Variants in ZNF2 observed in about 807,000 individuals in gnomAD.
The protein encoded by ZNF2 is zinc finger protein 2.2.
In ZNF2, 12 loss-of-function variants were observed where a neutral mutation model predicts 21.9. The ratio of observed to expected loss-of-function variants is 0.55; its 90% confidence interval spans 0.35 to 0.89. The LOEUF is 0.89. Ranked by LOEUF, ZNF2 falls within the 40% of genes least tolerant of loss-of-function variation. The pLI, the probability that ZNF2 is intolerant of heterozygous loss-of-function variation, is 0.01. For missense variants in ZNF2, 462 were observed against 544.2 expected, an observed-to-expected ratio of 0.85 and a Z score of 1.50; for synonymous variants, 186 against 196.3, an observed-to-expected ratio of 0.95 and a Z score of 0.44.
chr2:95,181,312 C>G lies in ZNF2; in HGVS notation c.484C>G (p.Leu162Val), dbSNP rs1358216043. ...RDKGLRRRSA[L>V]SREILTKERH... is the part of the protein sequence containing the mutation. ...CAAAGGCTTGCGGCGACGGTCAGCC[C>G]TGTCCAGGGAAATTCTCACTAAAGA... Residue 162 changes from leucine to valine, a missense_variant, in exon 5 of 5, where the codon CTG (leucine) becomes GTG (valine). Leu to Val is a conservative substitution (Grantham distance 32, BLOSUM62 1). Coordinates refer to ENST00000614034, the MANE Select transcript of ZNF2 (RefSeq NM_021088.4). 1.1e-5 allele frequency: 18 copies of G among 1,614,098 alleles called. No individual in the cohort carries two copies. The highest frequency in any genetic ancestry group is 1.4e-5 in the Non-Finnish European group (17 of 1,180,044).
rs1674646041 is a variant in ZNF2 at position 95,181,436 on chromosome 2, G to A, written c.608G>A (p.Cys203Tyr). The A allele has an allele frequency of 6.2e-7, 1 of 1,614,096 alleles. No homozygotes were observed. The highest frequency in any genetic ancestry group is 1.3e-5 in the African/African-American group (1 of 74,936). The part of the protein sequence containing the change: ...RTHTGEKPYD[C>Y]RECGKAFSHR... ...CACACTGGGGAGAAGCCCTACGACT[G>A]CCGCGAGTGTGGGAAAGCCTTCAGC... Residue 203 changes from cysteine to tyrosine, a missense_variant, in exon 5 of 5, where the codon TGC (cysteine) becomes TAC (tyrosine). Physicochemically the swap from Cys to Tyr is radical, Grantham distance 194 (BLOSUM62 -2). Transcript: ENST00000614034.
intron 1 of ZNF2, among the ~76,000 whole-genome samples, chr2:95,171,633 G>C (rs188676724): frequency 1.3e-5 from 2 of 152,084 alleles, no homozygotes; most frequent in Admixed American, 6.6e-5. Flanking sequence ...CACCCGCCTC[G>C]GCCTCCCAAA....
intron 1 of ZNF2, among the ~76,000 whole-genome samples, chr2:95,172,638 GT>G (rs779777588): frequency 2.5e-3 from 345 of 137,146 alleles, no homozygotes; most frequent in Middle Eastern, 0.015. Flanking sequence ...TTTCTTTGTG[GT>G]TTTTTTTTTT....
At chr2:95,166,114 C>T (rs1674022528) in intron 1 of ZNF2, among the ~76,000 whole-genome samples, 2 of 151,848 alleles carry the variant, frequency 1.3e-5, no homozygotes, top group Non-Finnish European at 2.9e-5. Flanking sequence ...GGTTTGGAGT[C>T]TTCCTCCGCC....
Position 95,181,870 on chromosome 2 carries a change from A to G in ZNF2, c.1042A>G (p.Lys348Glu). ...DPRYQCNECG[K>E]AFFDRSSLTQ... The stretch of plus-strand genomic sequence containing the variant: ...TCGCTATCAGTGTAACGAGTGTGGC[A>G]AAGCTTTCTTTGACCGCTCATCCCT... The change falls in exon 5 of 5, where the codon AAA becomes GAA. Residue 348 changes from lysine to glutamate, a missense_variant. Lys to Glu is a moderately conservative substitution (Grantham distance 56, BLOSUM62 1). Transcript: ENST00000614034. The G allele has an allele frequency of 6.2e-7, 1 of 1,614,246 alleles. No homozygotes were observed. Among genetic ancestry groups the G allele is most frequent in the Non-Finnish European group, 8.5e-7 (1 of 1,180,042 alleles).
At position 95,181,448 on chromosome 2, in the gene ZNF2, G is replaced by A. The variant is rs557069513; in HGVS notation, c.620G>A (p.Gly207Glu). 2 of 1,614,166 alleles carry A rather than the reference G, an allele frequency of 1.2e-6. No homozygotes were observed. Among genetic ancestry groups the A allele is most frequent in the African/African-American group, 1.3e-5 (1 of 75,042 alleles). Residue 207 changes from glycine (G) to glutamate (E), a missense_variant, in exon 5 of 5, where the codon GGG becomes GAG. Transcript: ENST00000614034. ...AAGCCCTACGACTGCCGCGAGTGTG[G>A]GAAAGCCTTCAGCCACAGGAGCAGC... is the stretch of plus-strand genomic sequence containing the variant. ...GEKPYDCRECGKAFSHRSSLS... is the reference protein window; with the variant it reads ...GEKPYDCRECEKAFSHRSSLS...
chr2:95,180,650 A>G (rs1426852703), intron 4 of ZNF2, among the ~76,000 whole-genome samples: 4 of 151,904 alleles, frequency 2.6e-5, no homozygotes, highest in African/African-American at 7.3e-5. Flanking sequence ...AGCTGGGATT[A>G]CAGGCACCCG....
intron 1 of ZNF2, among the ~76,000 whole-genome samples, chr2:95,175,057 A>G (rs1197627497): frequency 6.6e-6 from 1 of 152,102 alleles, no homozygotes. Flanking sequence ...ATTTTTATAG[A>G]GACAGAGGTC....
In ZNF2 at chr2:95,166,394, G is replaced by C. The variant is rs565107503; in HGVS notation, c.-40+534G>C. On this transcript the variant is annotated intron_variant, in intron 1 of 4. Coordinates refer to ENST00000614034, the MANE Select transcript of ZNF2 (RefSeq NM_021088.4). ...AGCTGGAGATAGTTTTTACAGAAATGCAGGAACAGTGGTAGACAAGGTTGA... is the reference window on the plus strand; with the variant it reads ...AGCTGGAGATAGTTTTTACAGAAATCCAGGAACAGTGGTAGACAAGGTTGA... 9.9e-5 allele frequency among the ~76,000 whole-genome samples: 15 copies of C among 152,252 alleles called. 1 individual carries two copies. The South Asian group carries it at 3.1e-3, about 32-fold the overall frequency.
intron 1 of ZNF2, among the ~76,000 whole-genome samples, chr2:95,172,968 T>C (rs1033970531): frequency 6.6e-6 from 1 of 151,398 alleles, no homozygotes; most frequent in Non-Finnish European, 1.5e-5. Flanking sequence ...GTTGTTGATT[T>C]TTTTTTTTTT....
rs1342413448 is a variant in ZNF2 at position 95,167,523 on chromosome 2, AAAAG to A, written c.-40+1671_-40+1674del. Among the ~76,000 whole-genome samples the A allele has an allele frequency of 2.5e-4, 38 of 150,948 alleles. 1 individual carries two copies. The highest frequency in any genetic ancestry group is 7.5e-4 in the African/African-American group (31 of 41,122). ...TCAGTCTCAAAAAAAAAAAAAAAAA[AAAAG>A]AAAGAAATAGAGATAATAGGATCAG... is the stretch of plus-strand genomic sequence containing the variant. On this transcript the variant is annotated intron_variant, in intron 1 of 4. Coordinates refer to ENST00000614034, the MANE Select transcript of ZNF2 (RefSeq NM_021088.4).
rs1452312785 is a variant in ZNF2 at position 95,181,280 on chromosome 2, C to G, written c.452C>G (p.Ser151Cys). 1 of 1,614,092 alleles carries G rather than the reference C, an allele frequency of 6.2e-7. No individual in the cohort carries two copies. The highest frequency in any genetic ancestry group is 8.5e-7 in the Non-Finnish European group (1 of 1,180,028). The stretch of plus-strand genomic sequence containing the variant: ...GGGGAGACTCGTAAGAAATCCCTCT[C>G]CCGGGACAAAGGCTTGCGGCGACGG... ...PSGETRKKSLSRDKGLRRRSA... is the reference protein window; with the variant it reads ...PSGETRKKSLCRDKGLRRRSA... Residue 151 changes from serine (S) to cysteine (C), a missense_variant, in exon 5 of 5, where the codon TCC (serine) becomes TGC (cysteine). Physicochemically the swap from Ser to Cys is moderately radical, Grantham distance 112 (BLOSUM62 -1). Coordinates refer to ENST00000614034, the MANE Select transcript of ZNF2 (RefSeq NM_021088.4).
intron 3 of ZNF2, among the ~76,000 whole-genome samples, chr2:95,178,999 T>G (rs549414670): frequency 7.9e-5 from 12 of 151,262 alleles, no homozygotes; most frequent in Middle Eastern, 3.4e-3. Context: ...TTTTGTTTTT[T>G]TTTTTTTTTT....
intron 1 of ZNF2, among the ~76,000 whole-genome samples, chr2:95,170,034 T>TCAGG (rs1674218583): frequency 6.6e-6 from 1 of 152,210 alleles, no homozygotes; most frequent in Admixed American, 6.5e-5. Context: ...GATTTTGATT[T>TCAGG]CAGGCAGTCT....
intron 1 of ZNF2, among the ~76,000 whole-genome samples, chr2:95,167,011 T>C (rs1674077370): frequency 6.6e-6 from 1 of 152,176 alleles, no homozygotes; most frequent in Admixed American, 6.5e-5. Context: ...ATGGACTTTC[T>C]GAGGGATGGC....
At chr2:95,168,536 G>A (rs1674164211) in intron 1 of ZNF2, among the ~76,000 whole-genome samples, 1 of 152,144 alleles carries the variant, frequency 6.6e-6, no homozygotes, top group South Asian at 2.1e-4. Context: ...CCTGGAGACA[G>A]ACATTTCTGT....
chr2:95,175,993 C>A (rs185143316), intron 1 of ZNF2, among the ~76,000 whole-genome samples, 195 bp from the exon 2 acceptor site: 1 of 152,190 alleles, frequency 6.6e-6, no homozygotes, highest in Non-Finnish European at 1.5e-5. Context: ...TGGTCTAATT[C>A]GCAGTTCCAT....
At chr2:95,170,564 C>G (rs1285709710) in intron 1 of ZNF2, among the ~76,000 whole-genome samples, 1 of 152,060 alleles carries the variant, frequency 6.6e-6, no homozygotes, top group Admixed American at 6.6e-5. Context: ...AGAAAATCCC[C>G]GAATATCCAA....
chr2:95,182,093 A>T lies in ZNF2; in HGVS notation c.1265A>T (p.Gln422Leu). The T allele has an allele frequency of 1.9e-6, 3 of 1,605,690 alleles. No individual in the cohort carries two copies. The highest frequency in any genetic ancestry group is 2.6e-6 in the Non-Finnish European group (3 of 1,174,230). ...VIQHQRRYAKQGID is the reference protein window; with the variant it reads ...VIQHQRRYAKLGID ...CAACATCAACGGCGTTACGCCAAAC[A>T]GGGAATAGACTGAGTTGGGCAAAAG... Residue 422 changes from glutamine to leucine, a missense_variant, in exon 5 of 5, where the codon CAG becomes CTG. Coordinates refer to ENST00000614034, the MANE Select transcript of ZNF2 (RefSeq NM_021088.4).
Sources: allele counts gnomAD v4.1 joint callset (sites outside exome capture counted in the v4.1 genomes callset), GRCh38; gene constraint gnomAD v4.1.1; transcripts MANE v1.5; gene names NCBI Gene and HGNC (gene_info 2026-07-23, HGNC 2026-07-21).